Variants in MCPH1 observed in about 807,000 individuals in gnomAD.
The protein encoded by MCPH1 is microcephalin.
A neutral mutation model predicts 84.5 loss-of-function variants in MCPH1; 104 were observed. The ratio of observed to expected loss-of-function variants is 1.23; its 90% CI spans 1.05 to 1.45. The LOEUF is 1.45. Ranked by LOEUF, MCPH1 falls within the 40% of genes most tolerant of loss-of-function variation. The pLI, the probability that MCPH1 is intolerant of heterozygous loss-of-function variation, is 0.00. For missense variants in MCPH1, 1,498 were observed against 1,005.7 expected, an observed-to-expected ratio of 1.49 and a Z score of -6.62; for synonymous variants, 514 against 366.8, an observed-to-expected ratio of 1.40 and a Z score of -4.58.
At chr8:6,560,312 G>C (rs1291559994) in intron 12 of MCPH1, among the ~76,000 whole-genome samples, 2 of 152,134 alleles carry the variant, frequency 1.3e-5, no homozygotes, top group Admixed American at 1.3e-4. Flanking sequence ...AAATCAGTGG[G>C]TGTTAGGTTG....
At chr8:6,446,927 AG>A in intron 8 of MCPH1, 1 of 984,984 alleles carries the variant, frequency 1.0e-6, no homozygotes. Flanking sequence ...GAAGGGGGTG[AG>A]GGGCCAGCAC....
chr8:6,643,082 C>T lies in MCPH1; in HGVS notation c.*33C>T, dbSNP rs764331284. 17 of 1,586,130 alleles carry T rather than the reference C, an allele frequency of 1.1e-5. No homozygotes were observed. The East Asian group carries it at 3.8e-4, about 35-fold the overall frequency. On this transcript the variant is annotated 3_prime_UTR_variant, in exon 14 of 14. Coordinates refer to ENST00000344683, the MANE Select transcript of MCPH1 (RefSeq NM_024596.5). ...CTCACTGGCCTGTGGTGACTGCACA[C>T]AGCTCGCAAAACTGTCTTTGGATGT...
intron 12 of MCPH1, among the ~76,000 whole-genome samples, chr8:6,517,085 G>T (rs954756045): frequency 6.6e-6 from 1 of 152,186 alleles, no homozygotes; most frequent in African/African-American, 2.4e-5. Context: ...GAAAGATAGT[G>T]TTCAAATAGA....
At chr8:6,481,822 T>C (rs17077109) in intron 11 of MCPH1, among the ~76,000 whole-genome samples, 23,950 of 152,238 alleles carry the variant, frequency 0.16, 2,032 homozygotes, top group Middle Eastern at 0.27. Context: ...TACTGCTTTA[T>C]GTTTATTTGG....
intron 13 of MCPH1, among the ~76,000 whole-genome samples, chr8:6,630,641 C>G (rs543947987): frequency 1.3e-5 from 2 of 151,918 alleles, no homozygotes; most frequent in South Asian, 4.2e-4. Context: ...ATGAGCCAGG[C>G]ATGATGGGGC....
chr8:6,596,199 A>G (rs561454574), intron 12 of MCPH1, among the ~76,000 whole-genome samples: 1 of 152,250 alleles, frequency 6.6e-6, no homozygotes, highest in Non-Finnish European at 1.5e-5. Flanking sequence ...ATTGGGCTCC[A>G]GTCTCAGCTC....
At chr8:6,505,408 ATTC>A (rs1170939548) in intron 12 of MCPH1, among the ~76,000 whole-genome samples, 1 of 82,604 alleles carries the variant, frequency 1.2e-5, no homozygotes, top group Non-Finnish European at 2.5e-5. Flanking sequence ...GAATATATAT[ATTC>A]TTTATATACA....
intron 12 of MCPH1, among the ~76,000 whole-genome samples, chr8:6,542,487 G>A (rs984775972): frequency 2.0e-5 from 3 of 151,988 alleles, no homozygotes; most frequent in African/African-American, 4.8e-5. Context: ...TAAGAGGGAC[G>A]CTAGCGCCTG....
At chr8:6,626,187 C>T (rs1832057064) in intron 13 of MCPH1, 1 of 985,274 alleles carries the variant, frequency 1.0e-6, no homozygotes, top group African/African-American at 1.7e-5. Context: ...TCGCCCGCCA[C>T]CCCAGCTGCC....
chr8:6,592,922 C>T (rs1828623089), intron 12 of MCPH1, among the ~76,000 whole-genome samples: 1 of 151,376 alleles, frequency 6.6e-6, no homozygotes, highest in African/African-American at 2.4e-5. Flanking sequence ...CTGCCTTGTC[C>T]TCCCAAAGTG....
intron 12 of MCPH1, among the ~76,000 whole-genome samples, chr8:6,582,047 A>G (rs532440078): frequency 6.6e-6 from 1 of 152,188 alleles, no homozygotes; most frequent in African/African-American, 2.4e-5. Context: ...GGGAGGCGCA[A>G]ACATTCAGAC....
Position 6,455,218 on chromosome 8 carries a change from A to G in MCPH1, c.1901A>G (p.His634Arg), listed in dbSNP as rs1472716731. Residue 634 changes from histidine (H) to arginine (R), a missense_variant, in exon 9 of 14, where the codon CAT becomes CGT. His to Arg is a conservative substitution (Grantham distance 29, BLOSUM62 0). Coordinates refer to ENST00000344683, the MANE Select transcript of MCPH1 (RefSeq NM_024596.5). ...GGCTTTAAGGACCTCATCAAACCTC[A>G]TGAGGAATTGAAGAAAAGTGGGAGA... Reference protein sequence around the residue: ...CDGFKDLIKPHEELKKSGRGK... With the variant: ...CDGFKDLIKPREELKKSGRGK... 9.3e-6 allele frequency: 15 copies of G among 1,613,882 alleles called. No individual in the cohort carries two copies. The East Asian group carries it at 3.1e-4, about 34-fold the overall frequency.
At chr8:6,580,687 A>ACAAAG (rs1468152830) in intron 12 of MCPH1, among the ~76,000 whole-genome samples, 1 of 152,104 alleles carries the variant, frequency 6.6e-6, no homozygotes, top group Non-Finnish European at 1.5e-5. Flanking sequence ...ACAAAAAAAA[A>ACAAAG]CTCAGAGTTG....
At chr8:6,621,372 GA>G in intron 12 of MCPH1, 81 bp from the exon 13 acceptor site, 1 of 1,527,194 alleles carries the variant, frequency 6.5e-7, no homozygotes, top group South Asian at 1.1e-5. Context: ...CATAAAAAAG[GA>G]AGTAAACTGC....
intron 3 of MCPH1, among the ~76,000 whole-genome samples, chr8:6,417,279 C>A (rs1465039488): frequency 6.6e-6 from 1 of 152,112 alleles, no homozygotes; most frequent in Non-Finnish European, 1.5e-5. Flanking sequence ...TGTAAAGGGA[C>A]AGATAGTCAA....
At chr8:6,568,867 C>G (rs1826439113) in intron 12 of MCPH1, among the ~76,000 whole-genome samples, 1 of 152,290 alleles carries the variant, frequency 6.6e-6, no homozygotes, top group South Asian at 2.1e-4. Context: ...ATTTGGGCAG[C>G]CTGGCCTTAA....
intron 12 of MCPH1, among the ~76,000 whole-genome samples, chr8:6,610,239 T>C (rs1227419001): frequency 6.6e-6 from 1 of 152,224 alleles, no homozygotes; most frequent in African/African-American, 2.4e-5. Context: ...TCTTCTCTTT[T>C]GCAAGAGCTG....
chr8:6,502,788 C>A (rs986751893), intron 12 of MCPH1: 4 of 350,084 alleles, frequency 1.1e-5, no homozygotes, highest in East Asian at 5.9e-5. Flanking sequence ...GATAAACTTG[C>A]ACATAACATT....
intron 1 of MCPH1, 72 bp downstream of exon 1, chr8:6,406,761 C>G: frequency 6.5e-7 from 1 of 1,548,624 alleles, no homozygotes; most frequent in Non-Finnish European, 8.9e-7. Context: ...CGGGCGCACT[C>G]GGGGGATCCC....
Sources: gnomAD v4.1 joint callset for allele counts (sites outside exome capture counted in the v4.1 genomes callset) on GRCh38, gnomAD v4.1.1 for gene constraint, MANE v1.5 for transcripts, NCBI Gene and HGNC (gene_info 2026-07-23, HGNC 2026-07-21) for gene names.